The following DENND5B variants were observed in gnomAD, a reference collection of about 807,000 sequenced individuals.
The protein encoded by DENND5B is DENN domain containing 5B.
In DENND5B, 34 loss-of-function variants were observed where a neutral mutation model predicts 140.6. The ratio of observed to expected loss-of-function variants is 0.24; its 90% CI spans 0.18 to 0.32. The LOEUF is 0.32. DENND5B is among the 10% of genes least tolerant of loss of function. The probability of loss-of-function intolerance (pLI) is 1.00; values close to 1 mark genes in which losing one functional copy is unlikely to be tolerated. For synonymous variants in DENND5B, 551 were observed against 562.1 expected (o/e 0.98, Z 0.28); for missense variants, 1,142 against 1,560.2 (o/e 0.73, Z 4.52).
At chr12:31,395,603 A>G (rs1265859325) in intron 17 of DENND5B, among the ~76,000 whole-genome samples, 1 of 151,060 alleles carries the variant, frequency 6.6e-6, no homozygotes, top group Non-Finnish European at 1.5e-5. Flanking sequence ...AAAACAAAAC[A>G]AAACAAAACA....
chr12:31,585,335 C>T (rs141459251), intron 1 of DENND5B, among the ~76,000 whole-genome samples: 106 of 152,274 alleles, frequency 7.0e-4, no homozygotes, highest in African/African-American at 2.4e-3. Flanking sequence ...CTATTGTGAG[C>T]CAAGGATGTC....
rs3034051 is a variant in DENND5B, at chr12:31,494,221, T to TACCTACCTACCTACCTAC, written c.237+1588_237+1589insGTAGGTAGGTAGGTAGGT. ...CCATCCACCTACCTACCTACCTACC[T>TACCTACCTACCTACCTAC]CTACCTACCTACCTACCTACCTACC... On this transcript the variant is annotated intron_variant, in intron 2 of 20. Coordinates refer to ENST00000389082, the MANE Select transcript of DENND5B (RefSeq NM_144973.4). Among the ~76,000 whole-genome samples the TACCTACCTACCTACCTAC allele has an allele frequency of 1.9e-5, 2 of 106,496 alleles. 1 individual carries two copies. The highest frequency in any genetic ancestry group is 7.1e-5 in the African/African-American group (2 of 28,320). The allele number at this position is 106,496 out of a possible 152,430, so 69.9% of individuals were successfully genotyped here.
At chr12:31,501,915 G>A (rs1037735114) in intron 1 of DENND5B, among the ~76,000 whole-genome samples, 1 of 152,030 alleles carries the variant, frequency 6.6e-6, no homozygotes, top group Non-Finnish European at 1.5e-5. Flanking sequence ...GTGTGTGTGG[G>A]GTGAGGCAAG....
intron 1 of DENND5B, chr12:31,500,477 C>G (rs150450657): frequency 4.7e-6 from 2 of 427,546 alleles, no homozygotes; most frequent in Non-Finnish European, 9.2e-6. Flanking sequence ...GTCAGGAGTT[C>G]GAGACCAGCC....
chr12:31,475,353 T>TACTCA (rs5797411), intron 3 of DENND5B, among the ~76,000 whole-genome samples: 85,593 of 151,352 alleles, frequency 0.57, 24,583 homozygotes, highest in East Asian at 0.82. Flanking sequence ...TACAAAAAAA[T>TACTCA]AGAGTATAAA....
At chr12:31,585,376 G>C (rs1167958111) in intron 1 of DENND5B, among the ~76,000 whole-genome samples, 1 of 152,176 alleles carries the variant, frequency 6.6e-6, no homozygotes, top group Non-Finnish European at 1.5e-5. Context: ...CAGTATCAAT[G>C]GTATTTGGAT....
At position 31,382,696 on chromosome 12, in the gene DENND5B, G is replaced by A. The variant is rs1353070565; in HGVS notation, c.*4907C>T. On this transcript the variant is annotated 3_prime_UTR_variant, in exon 21 of 21. Coordinates refer to ENST00000389082, the MANE Select transcript of DENND5B (RefSeq NM_144973.4). ...AAGGATACCCTGGATCCCTTCGAAT[G>A]AGGAAAAATTTTATTTGAGGTTTTT... 6.6e-6 allele frequency: 1 copy of A among 151,516 alleles called. No homozygotes were observed. Among genetic ancestry groups the A allele is most frequent in the African/African-American group, 2.4e-5 (1 of 41,336 alleles). The allele number at this position is 151,516 out of a possible 1,614,324, so 9.4% of individuals were successfully genotyped here. A position where few individuals can be genotyped will look rare whatever the true frequency, so the allele number is the denominator to read the frequency against.
intron 1 of DENND5B, among the ~76,000 whole-genome samples, chr12:31,572,887 T>C (rs1949873801): frequency 6.6e-6 from 1 of 152,176 alleles, no homozygotes; most frequent in Admixed American, 6.5e-5. Flanking sequence ...CATAATTAAA[T>C]AGATTTGGGG....
At chr12:31,425,101 T>C (rs1039050654) in intron 9 of DENND5B, among the ~76,000 whole-genome samples, 11 of 152,072 alleles carry the variant, frequency 7.2e-5, no homozygotes, top group Admixed American at 6.6e-4. Context: ...TCACCTGGGG[T>C]CAGGAGTTCG....
rs183749564 is a variant in DENND5B at position 31,533,288 on chromosome 12, A to C, written c.128-37369T>G. 3.9e-5 allele frequency among the ~76,000 whole-genome samples: 6 copies of C among 152,348 alleles called. No homozygotes were observed. In the East Asian group the frequency reaches 7.7e-4, roughly 20 times the overall value. ...ATTTAAAAAGCCAATACAACAACAA[A>C]AAATACAGTACAACAAATAAAAAAT... On this transcript the variant is annotated intron_variant, in intron 1 of 20. Coordinates refer to ENST00000389082, the MANE Select transcript of DENND5B (RefSeq NM_144973.4).
At chr12:31,391,012 T>A (rs942049572) in intron 19 of DENND5B, among the ~76,000 whole-genome samples, 5 of 152,138 alleles carry the variant, frequency 3.3e-5, no homozygotes, top group African/African-American at 1.2e-4. Context: ...TGAGTCTCTG[T>A]CTCAAACAAA....
At position 31,565,331 on chromosome 12, in the gene DENND5B, T is replaced by C. The variant is rs1055097085; in HGVS notation, c.127+25375A>G. Among the ~76,000 whole-genome samples the C allele has an allele frequency of 3.3e-5, 5 of 151,972 alleles. No homozygotes were observed. In the East Asian group the frequency reaches 9.6e-4, roughly 29 times the overall value. On this transcript the variant is annotated intron_variant, in intron 1 of 20. Transcript: ENST00000389082. ...ATCGCTTGAGCCCAGGAGGCAGAGG[T>C]TGCAGTGAGCTGAGATCATCTCACA...
intron 1 of DENND5B, among the ~76,000 whole-genome samples, chr12:31,526,995 T>C (rs1948107352): frequency 6.6e-6 from 1 of 152,220 alleles, no homozygotes; most frequent in African/African-American, 2.4e-5. Flanking sequence ...GGGATGACTC[T>C]GGGAACAAAA....
chr12:31,515,390 A>T (rs903092874), intron 1 of DENND5B, among the ~76,000 whole-genome samples: 22 of 152,214 alleles, frequency 1.4e-4, no homozygotes, highest in Admixed American at 7.2e-4. Context: ...TATTATTGTA[A>T]CAGTATTGGA....
At chr12:31,480,335 A>G (rs1454054148) in intron 2 of DENND5B, 80 bp from the exon 3 acceptor site, 3 of 1,320,082 alleles carry the variant, frequency 2.3e-6, no homozygotes, top group South Asian at 1.7e-5. Context: ...TTTTTTTAAC[A>G]TAACAGGATT....
chr12:31,495,666 A>T, intron 2 of DENND5B, 144 bp downstream of exon 2: 1 of 700,724 alleles, frequency 1.4e-6, no homozygotes, highest in South Asian at 2.4e-5. Flanking sequence ...GTGAGCCACC[A>T]CACCCGGCCT....
rs1435623452 is a variant in DENND5B, at chr12:31,452,161, T to C, written c.1408A>G (p.Lys470Glu). 10 of 1,614,022 alleles carry C rather than the reference T, an allele frequency of 6.2e-6. No individual in the cohort carries two copies. In the Middle Eastern group the frequency reaches 1.3e-3, roughly 213 times the overall value. The change falls in exon 5 of 21, where the codon AAA (lysine) becomes GAA (glutamate). Residue 470 changes from lysine (K) to glutamate (E), a missense_variant. This residue lies in a region of DENND5B where 708 missense variants were observed against 905.5 expected (regional missense o/e 0.78). Coordinates refer to ENST00000389082, the MANE Select transcript of DENND5B (RefSeq NM_144973.4). ...LAKRTGVAVE[K>E]MDLSASLGEK... ...CCCAGAGAAGCAGAGAGGTCCATTT[T>C]TTCCACAGCCACACCAGTACGCTTG...
chr12:31,579,440 C>G (rs117359960), intron 1 of DENND5B, among the ~76,000 whole-genome samples: 1,523 of 152,106 alleles, frequency 0.01, 16 homozygotes, highest in Middle Eastern at 0.024. Context: ...GGGGGGTGAT[C>G]ACCTGAAGCC....
At chr12:31,554,290 C>T (rs1949193561) in intron 1 of DENND5B, among the ~76,000 whole-genome samples, 1 of 152,160 alleles carries the variant, frequency 6.6e-6, no homozygotes. Flanking sequence ...ATTTACTTGT[C>T]TGTAAAGTAT....
Sources: gnomAD v4.1 joint callset for allele counts (sites outside exome capture counted in the v4.1 genomes callset) on GRCh38, gnomAD v4.1.1 for gene constraint, gnomAD v4.1.1 regional missense constraint, MANE v1.5 for transcripts, NCBI Gene and HGNC (gene_info 2026-07-23, HGNC 2026-07-21) for gene names.